CILK1: variants seen among roughly 807,000 people sequenced by gnomAD.
The protein encoded by CILK1 is serine/threonine-protein kinase ICK.
CILK1 carries 47 observed loss-of-function variants against 79.2 expected under a neutral mutation model. The observed-to-expected ratio is 0.59, with a 90% CI of 0.47 to 0.76. The LOEUF is 0.76. Among genes scored for constraint, CILK1 ranks in the 30% least tolerant of loss-of-function variants. The pLI is 0.00. For missense variants in CILK1, 660 were observed against 769.5 expected (o/e 0.86, Z 1.68); for synonymous variants, 266 against 275.9 (o/e 0.96, Z 0.36).
Position 53,016,154 on chromosome 6 carries a change from T to C in CILK1, c.760A>G (p.Ser254Gly), listed in dbSNP as rs1649022679. The C allele has an allele frequency of 6.2e-7, 1 of 1,614,034 alleles. No individual in the cohort carries two copies. Among genetic ancestry groups the C allele is most frequent in the African/African-American group, 1.3e-5 (1 of 74,944 alleles). ...CTCAGGAGCTGGACTGCTTCACTGC[T>C]AGCATTGGGAATCAAGGTCTTTAAG... The part of the protein sequence containing the change: ...NNLKTLIPNA[S>G]SEAVQLLRDM... The change falls in exon 8 of 14, where the codon AGC becomes GGC. Residue 254 changes from serine to glycine, a missense_variant. Physicochemically the swap from Ser to Gly is moderately conservative, Grantham distance 56 (BLOSUM62 0). Coordinates refer to ENST00000676107, the MANE Select transcript of CILK1 (RefSeq NM_014920.5).
At chr6:53,059,576 T>C (rs546082175) in intron 1 of CILK1, among the ~76,000 whole-genome samples, 24 of 152,288 alleles carry the variant, frequency 1.6e-4, no homozygotes, top group African/African-American at 5.5e-4. Flanking sequence ...GAAAGCACTA[T>C]GAGCAGTGAC....
intron 5 of CILK1, among the ~76,000 whole-genome samples, chr6:53,030,651 A>G (rs997120951): frequency 3.9e-5 from 6 of 152,158 alleles, no homozygotes; most frequent in African/African-American, 1.4e-4. Context: ...ACATTTTGTT[A>G]GACTACTTTT....
chr6:53,021,893 C>T (rs182137630), intron 5 of CILK1, among the ~76,000 whole-genome samples: 1 of 151,858 alleles, frequency 6.6e-6, no homozygotes, highest in African/African-American at 2.4e-5. Context: ...CAGCTCCCTG[C>T]GTATTATTGC....
chr6:53,037,700 T>A (rs1259920399), intron 3 of CILK1, among the ~76,000 whole-genome samples: 1 of 152,168 alleles, frequency 6.6e-6, no homozygotes. Flanking sequence ...ATCAACACAT[T>A]CAACTTCTTT....
intron 3 of CILK1, 117 bp downstream of exon 3, chr6:53,037,822 C>T: frequency 1.5e-6 from 1 of 671,248 alleles, no homozygotes. Flanking sequence ...TCATTTGCCT[C>T]CCTTTCCAGC....
intron 3 of CILK1, 73 bp downstream of exon 3, chr6:53,037,866 C>G (rs1337885481): frequency 1.1e-6 from 1 of 904,776 alleles, no homozygotes; most frequent in Non-Finnish European, 1.8e-6. Context: ...ATGACTATAT[C>G]AACTATAAAT....
chr6:53,030,078 G>T (rs1376420905), intron 5 of CILK1, among the ~76,000 whole-genome samples: 2 of 152,202 alleles, frequency 1.3e-5, no homozygotes, highest in Non-Finnish European at 1.5e-5. Context: ...CAAACTCTTT[G>T]CTGCTTAATA....
chr6:53,035,257 AC>A (rs934821028), intron 3 of CILK1, among the ~76,000 whole-genome samples: 6 of 152,116 alleles, frequency 3.9e-5, no homozygotes, highest in Admixed American at 3.3e-4. Context: ...AGGGCTTGGG[AC>A]TTTTTTGGGT....
At chr6:53,015,108 C>T (rs1022422251) in intron 8 of CILK1, among the ~76,000 whole-genome samples, 1 of 152,178 alleles carries the variant, frequency 6.6e-6, no homozygotes, top group East Asian at 1.9e-4. Context: ...CTATCATCTC[C>T]CCAGCTATCA....
chr6:53,060,706 T>C (rs1369515874), intron 1 of CILK1, among the ~76,000 whole-genome samples: 4 of 152,226 alleles, frequency 2.6e-5, no homozygotes, highest in Non-Finnish European at 4.4e-5. Flanking sequence ...CAGCAAATGA[T>C]TGAGACACAA....
At chr6:53,026,026 C>T (rs1765548989) in intron 5 of CILK1, among the ~76,000 whole-genome samples, 1 of 152,206 alleles carries the variant, frequency 6.6e-6, no homozygotes, top group Non-Finnish European at 1.5e-5. Context: ...TTCTGTTACT[C>T]ACTGGCTGAA....
intron 4 of CILK1, among the ~76,000 whole-genome samples, chr6:53,032,332 T>A (rs1766022473): frequency 6.6e-6 from 1 of 151,878 alleles, no homozygotes; most frequent in Non-Finnish European, 1.5e-5. Context: ...CACACCAGCA[T>A]GGCACATGTA....
At chr6:53,014,479 T>C (rs1239231151) in intron 8 of CILK1, among the ~76,000 whole-genome samples, 2 of 152,312 alleles carry the variant, frequency 1.3e-5, no homozygotes, top group African/African-American at 4.8e-5. Flanking sequence ...AGTTAACCCT[T>C]CCCTATCAAG....
intron 1 of CILK1, among the ~76,000 whole-genome samples, chr6:53,056,398 C>T (rs1767874390): frequency 6.6e-6 from 1 of 152,214 alleles, no homozygotes; most frequent in Non-Finnish European, 1.5e-5. Context: ...CACAACTCCA[C>T]TCTGCCATTG....
chr6:53,054,172 G>A (rs1767683191), intron 1 of CILK1, among the ~76,000 whole-genome samples: 2 of 151,868 alleles, frequency 1.3e-5, no homozygotes, highest in African/African-American at 4.8e-5. Context: ...CTTCTCTTTC[G>A]AGCTCACATG....
chr6:53,059,065 C>CA (rs1410256254), intron 1 of CILK1, among the ~76,000 whole-genome samples: 1 of 152,168 alleles, frequency 6.6e-6, no homozygotes, highest in African/African-American at 2.4e-5. Flanking sequence ...ACTAAGGATT[C>CA]ACTGCATGGT....
intron 5 of CILK1, among the ~76,000 whole-genome samples, chr6:53,024,981 C>T (rs1418674003): frequency 6.6e-6 from 1 of 151,884 alleles, no homozygotes; most frequent in African/African-American, 2.4e-5. Flanking sequence ...TACAGGCCTG[C>T]ACCACCATGC....
chr6:53,022,937 A>AT (rs35108351), intron 5 of CILK1, among the ~76,000 whole-genome samples: 45,944 of 143,912 alleles, frequency 0.32, 7,410 homozygotes, highest in Middle Eastern at 0.4. Flanking sequence ...TATGTTAACC[A>AT]TTTTTTTTTT....
rs115840580 is a variant in CILK1 at position 53,011,813 on chromosome 6, G to C, written c.1448C>G (p.Ser483Cys). Residue 483 changes from serine (S) to cysteine (C), a missense_variant, in exon 11 of 14, where the codon TCT (serine) becomes TGT (cysteine). Ser to Cys is a moderately radical substitution (Grantham distance 112). Coordinates refer to ENST00000676107, the MANE Select transcript of CILK1 (RefSeq NM_014920.5). ...CTTCAAATAGTGCTGCTTGGCTGCA[G>C]ATCTCAGGGTGGGCGTGTCTCGCCG... is the stretch of plus-strand genomic sequence containing the variant. ...YQRRDTPTLR[S>C]AAKQHYLKHS... The C allele has an allele frequency of 9.4e-4, 1,511 of 1,614,144 alleles. 12 individuals are homozygous for C. The African/African-American group carries it at 0.018, about 19-fold the overall frequency.
Sources: allele counts gnomAD v4.1 joint callset (sites outside exome capture counted in the v4.1 genomes callset), GRCh38; gene constraint gnomAD v4.1.1; transcripts MANE v1.5; gene names NCBI Gene and HGNC (gene_info 2026-07-23, HGNC 2026-07-21).